Variants in RNF224 observed in about 807,000 individuals in gnomAD.
RNF224 encodes the protein ring finger protein 224.
In RNF224, 1 loss-of-function variant was observed where a neutral mutation model predicts 2.9. That is an observed-to-expected ratio of 0.35 (90% confidence interval 0.12 to 1.66). The LOEUF (loss-of-function observed/expected upper bound fraction) is 1.66, where lower values mean the gene tolerates loss of function less well. Among genes scored for constraint, RNF224 ranks in the 40% most tolerant of loss-of-function variants. The pLI is 0.35. For missense variants in RNF224, 254 were observed against 221.8 expected, an observed-to-expected ratio of 1.15 and a Z score of -0.92; for synonymous variants, 116 against 97.6, an observed-to-expected ratio of 1.19 and a Z score of -1.11.
In RNF224 at chr9:137,228,153, T is replaced by A; in HGVS notation, c.-183T>A. ...CTTGCAAGTGGGTGGTGCCGTTAGATCTAGTTTCAAGGCTTTGTGGCTGAA... is the reference window on the plus strand; with the variant it reads ...CTTGCAAGTGGGTGGTGCCGTTAGAACTAGTTTCAAGGCTTTGTGGCTGAA... On this transcript the variant is annotated splice_region_variant and 5_prime_UTR_variant, in exon 2 of 3. Coordinates refer to ENST00000445101, the MANE Select transcript of RNF224 (RefSeq NM_001190228.2). 1 of 583,692 alleles carries A rather than the reference T, an allele frequency of 1.7e-6. No homozygotes were observed. Among genetic ancestry groups the A allele is most frequent in the Non-Finnish European group, 3.0e-6 (1 of 330,804 alleles). 36.2% of individuals were successfully genotyped at this position (583,692 alleles called of 1,614,324 possible).
chr9:137,228,440 T>C, intron 2 of RNF224, 99 bp downstream of exon 2: 2 of 1,251,494 alleles, frequency 1.6e-6, no homozygotes, highest in South Asian at 1.6e-5. Context: ...GGTGCCCACA[T>C]GAACCAGAAG....
intron 2 of RNF224, 69 bp from the exon 3 acceptor site, chr9:137,228,552 TG>T: frequency 7.7e-7 from 1 of 1,297,856 alleles, no homozygotes; most frequent in Non-Finnish European, 1.0e-6. Context: ...GGTGGGCTCC[TG>T]GGGCCAGCAC....
chr9:137,229,068 A>G lies in RNF224; in HGVS notation c.453A>G (p.Leu151=). The G allele has an allele frequency of 6.5e-7, 1 of 1,528,184 alleles. No individual in the cohort carries two copies. The highest frequency in any genetic ancestry group is 2.5e-5 in the East Asian group (1 of 40,762). The allele number at this position is 1,528,184 out of a possible 1,614,324, so 94.7% of individuals were successfully genotyped here. ...WGCGSLCCPP[L]GSPEV is the part of the protein sequence containing the mutation. ...GTGGCAGCCTCTGCTGCCCACCCCT[A>G]GGCAGCCCCGAGGTCTGAACTCTGG... is the stretch of plus-strand genomic sequence containing the variant. The change falls in exon 3 of 3, where the codon CTA becomes CTG. Residue 151 remains leucine, a synonymous_variant. Coordinates refer to ENST00000445101, the MANE Select transcript of RNF224 (RefSeq NM_001190228.2).
At chr9:137,228,524 C>A in intron 2 of RNF224, 98 bp from the exon 3 acceptor site, 1 of 1,154,138 alleles carries the variant, frequency 8.7e-7, no homozygotes, top group Non-Finnish European at 1.2e-6. Flanking sequence ...CCCCACAGAC[C>A]CAGCGCCTGA....
Position 137,229,367 on chromosome 9 carries a change from T to A in RNF224, c.*281T>A. 2.0e-6 allele frequency: 1 copy of A among 502,162 alleles called. No individual in the cohort carries two copies. Among genetic ancestry groups the A allele is most frequent in the Non-Finnish European group, 3.6e-6 (1 of 277,194 alleles). The allele number at this position is 502,162 out of a possible 1,614,324, so 31.1% of individuals were successfully genotyped here. Reference sequence around the variant, plus strand: ...GACCGGATGTGCCTGGTGAGGACACTGCTGTCTGAGTGGGCGGCAAGCCTG... The same window carrying A: ...GACCGGATGTGCCTGGTGAGGACACAGCTGTCTGAGTGGGCGGCAAGCCTG... On this transcript the variant is annotated 3_prime_UTR_variant, in exon 3 of 3. Coordinates refer to ENST00000445101, the MANE Select transcript of RNF224 (RefSeq NM_001190228.2).
Position 137,228,920 on chromosome 9 carries a change from G to C in RNF224, c.305G>C (p.Arg102Thr), listed in dbSNP as rs1325157676. Residue 102 changes from arginine to threonine, a missense_variant, in exon 3 of 3, where the codon AGA becomes ACA. Coordinates refer to ENST00000445101, the MANE Select transcript of RNF224 (RefSeq NM_001190228.2). The part of the protein sequence containing the change: ...LAVKAEREPA[R>T]LEPLPLTSLK... Reference sequence around the variant, plus strand: ...GTCAAGGCTGAGCGGGAGCCGGCAAGACTAGAACCCCTGCCCCTCACCTCC... The same window carrying C: ...GTCAAGGCTGAGCGGGAGCCGGCAACACTAGAACCCCTGCCCCTCACCTCC... 6.5e-7 allele frequency: 1 copy of C among 1,535,774 alleles called. No homozygotes were observed. Among genetic ancestry groups the C allele is most frequent in the Non-Finnish European group, 8.7e-7 (1 of 1,146,834 alleles).
Position 137,229,129 on chromosome 9 carries a change from G to C in RNF224, c.*43G>C, listed in dbSNP as rs1304384238. On this transcript the variant is annotated 3_prime_UTR_variant, in exon 3 of 3. Transcript: ENST00000445101. ...CCCTGCAGGGGAAATGCCTGCCTTGGAACCCCTGACCACACACCATCATGG... is the reference window on the plus strand; with the variant it reads ...CCCTGCAGGGGAAATGCCTGCCTTGCAACCCCTGACCACACACCATCATGG... The C allele has an allele frequency of 2.5e-6, 3 of 1,201,518 alleles. No homozygotes were observed. The East Asian group carries it at 7.7e-5, about 31-fold the overall frequency. 74.4% of individuals were successfully genotyped at this position (1,201,518 alleles called of 1,614,324 possible).
chr9:137,228,575 G>T, intron 2 of RNF224, 47 bp from the exon 3 acceptor site: 1 of 1,376,148 alleles, frequency 7.3e-7, no homozygotes, highest in Admixed American at 2.9e-5. Context: ...CCATCCAGGC[G>T]GAAGGTCCTC....
chr9:137,228,031 G>A (rs1171115128), intron 1 of RNF224, 121 bp from the exon 2 acceptor site: 28 of 435,518 alleles, frequency 6.4e-5, no homozygotes, highest in Non-Finnish European at 1.1e-4. Context: ...CTAAGAGTGG[G>A]GAAATGGACC....
At chr9:137,228,441 G>A (rs773536154) in intron 2 of RNF224, 100 bp downstream of exon 2, 108 of 1,243,856 alleles carry the variant, frequency 8.7e-5, no homozygotes, top group Non-Finnish European at 1.1e-4. Context: ...GTGCCCACAT[G>A]AACCAGAAGT....
chr9:137,228,951 AG>A lies in RNF224; in HGVS notation c.338del (p.Gly113AlafsTer39). 2.0e-6 allele frequency: 3 copies of A among 1,535,712 alleles called. No individual in the cohort carries two copies. Among genetic ancestry groups the A allele is most frequent in the South Asian group, 1.2e-5 (1 of 84,058 alleles). The stretch of plus-strand genomic sequence containing the variant: ...AACCCCTGCCCCTCACCTCCCTCAA[AG>A]GCAGCGCCATCACTCGGCAGCCAGC... ...LEPLPLTSLKGSAITRQPAGL... is the reference protein window; with the variant it reads ...LEPLPLTSLKXSAITRQPAGL... On this transcript the variant is annotated frameshift_variant, in exon 3 of 3. Coordinates refer to ENST00000445101, the MANE Select transcript of RNF224 (RefSeq NM_001190228.2). LOFTEE classifies it low-confidence loss of function (END_TRUNC).
At position 137,229,205 on chromosome 9, in the gene RNF224, T is replaced by C; in HGVS notation, c.*119T>C. ...CAGTAGCATCCTATACGCAGCTTCG[T>C]GTGGCCCAGCAGGGTGGTGTCATCC... On this transcript the variant is annotated 3_prime_UTR_variant, in exon 3 of 3. Transcript: ENST00000445101. 1.6e-6 allele frequency: 1 copy of C among 642,168 alleles called. No homozygotes were observed. Among genetic ancestry groups the C allele is most frequent in the East Asian group, 2.7e-5 (1 of 36,464 alleles). 39.8% of individuals were successfully genotyped at this position (642,168 alleles called of 1,614,324 possible).
intron 2 of RNF224, 109 bp from the exon 3 acceptor site, chr9:137,228,512 AC>A: frequency 1.8e-6 from 2 of 1,084,924 alleles, no homozygotes; most frequent in South Asian, 1.7e-5. Flanking sequence ...TGCACGCACC[AC>A]CCCCACAGAC....
At position 137,228,855 on chromosome 9, in the gene RNF224, G is replaced by T. The variant is rs79018577; in HGVS notation, c.240G>T (p.Gly80=). ...CRQSTPTPRG[G]VAMLDLDLAA... ...AGAGCACGCCCACGCCTCGCGGAGG[G>T]GTGGCCATGCTAGACCTGGACCTGG... The change falls in exon 3 of 3, where the codon GGG becomes GGT. Residue 80 remains glycine (G), a synonymous_variant. Coordinates refer to ENST00000445101, the MANE Select transcript of RNF224 (RefSeq NM_001190228.2). 2 of 1,535,712 alleles carry T rather than the reference G, an allele frequency of 1.3e-6. No individual in the cohort carries two copies. The highest frequency in any genetic ancestry group is 1.7e-6 in the Non-Finnish European group (2 of 1,146,786).
At chr9:137,228,590 C>T in intron 2 of RNF224, 32 bp from the exon 3 acceptor site, 1 of 1,408,548 alleles carries the variant, frequency 7.1e-7, no homozygotes, top group Non-Finnish European at 9.3e-7. Flanking sequence ...GTCCTCGAGG[C>T]AGGCTGTCCA....
Position 137,228,313 on chromosome 9 carries a change from T to C in RNF224, c.-23T>C, listed in dbSNP as rs1836029148. On this transcript the variant is annotated 5_prime_UTR_variant, in exon 2 of 3. Coordinates refer to ENST00000445101, the MANE Select transcript of RNF224 (RefSeq NM_001190228.2). ...CCCTTCTCCGGCCACCCCGTGGCTG[T>C]GCATAGCTGCCCAGCAGAGCCCATG... The C allele has an allele frequency of 6.5e-7, 1 of 1,526,964 alleles. No homozygotes were observed. The highest frequency in any genetic ancestry group is 1.4e-5 in the African/African-American group (1 of 72,438). 94.6% of individuals were successfully genotyped at this position (1,526,964 alleles called of 1,614,324 possible).
chr9:137,229,084 T>G lies in RNF224; in HGVS notation c.469T>G (p.Ter157GlyextTer33). The G allele has an allele frequency of 6.6e-7, 1 of 1,509,808 alleles. No homozygotes were observed. The highest frequency in any genetic ancestry group is 8.9e-7 in the Non-Finnish European group (1 of 1,125,110). The allele number at this position is 1,509,808 out of a possible 1,614,324, so 93.5% of individuals were successfully genotyped here. A position where few individuals can be genotyped will look rare whatever the true frequency, so the allele number is the denominator to read the frequency against. Residue 157 changes from the stop codon to glycine (G), a stop_lost, in exon 3 of 3, where the codon TGA becomes GGA. Transcript: ENST00000445101. The stretch of plus-strand genomic sequence containing the variant: ...CCCACCCCTAGGCAGCCCCGAGGTC[T>G]GAACTCTGGCCATTCCCACCCCTGC... ...CCPPLGSPEV* is the reference protein window; with the variant it reads ...CCPPLGSPEVG
rs1203385383 is a variant in RNF224, at chr9:137,228,637, G to C, written c.22G>C (p.Gly8Arg). The C allele has an allele frequency of 3.0e-5, 43 of 1,441,792 alleles. No individual in the cohort carries two copies. Among genetic ancestry groups the C allele is most frequent in the Non-Finnish European group, 3.9e-5 (43 of 1,099,774 alleles). 89.3% of individuals were successfully genotyped at this position (1,441,792 alleles called of 1,614,324 possible). A position where few individuals can be genotyped will look rare whatever the true frequency, so the allele number is the denominator to read the frequency against. MQDAAAG[G>R]PPGLGGGGPP... is the part of the protein sequence containing the mutation. ...CCTCTGGCAGGATGCTGCAGCCGGA[G>C]GGCCCCCAGGCCTCGGAGGAGGGGG... Residue 8 changes from glycine (G) to arginine (R), a missense_variant, in exon 3 of 3, where the codon GGG becomes CGG. Coordinates refer to ENST00000445101, the MANE Select transcript of RNF224 (RefSeq NM_001190228.2).
chr9:137,228,111 CG>C, intron 1 of RNF224, 40 bp from the exon 2 acceptor site: 6 of 468,492 alleles, frequency 1.3e-5, no homozygotes, highest in Non-Finnish European at 2.2e-5. Flanking sequence ...GGGCAGGGGG[CG>C]GGGGGCACCT....
Sources: allele counts gnomAD v4.1 joint callset, GRCh38; gene constraint gnomAD v4.1.1; transcripts MANE v1.5; gene names NCBI Gene and HGNC (gene_info 2026-07-23, HGNC 2026-07-21).